ARHGAP15: variants seen among roughly 807,000 people sequenced by gnomAD.
The protein encoded by ARHGAP15 is rho GTPase-activating protein 15.
Under a neutral mutation model 63.7 loss-of-function variants are expected in ARHGAP15, and 51 were observed. The ratio of observed to expected loss-of-function variants is 0.80; its 90% CI spans 0.64 to 1.01. ARHGAP15 has a LOEUF of 1.01. ARHGAP15 is among the 50% of genes least tolerant of loss of function. The probability of loss-of-function intolerance (pLI) is 0.00; values close to 1 mark genes in which losing one functional copy is unlikely to be tolerated. For missense variants in ARHGAP15, 560 were observed against 564.6 expected (o/e 0.99, Z 0.08); for synonymous variants, 191 against 193.8 (o/e 0.99, Z 0.12).
intron 8 of ARHGAP15, among the ~76,000 whole-genome samples, chr2:143,458,890 A>G (rs1057117296): frequency 6.6e-6 from 1 of 152,194 alleles, no homozygotes; most frequent in Non-Finnish European, 1.5e-5. Context: ...ACTTGTCATA[A>G]TGCTTAGGGT....
chr2:143,234,865 A>C (rs1010287060), intron 5 of ARHGAP15, among the ~76,000 whole-genome samples: 1 of 151,968 alleles, frequency 6.6e-6, no homozygotes, highest in African/African-American at 2.4e-5. Flanking sequence ...TCATATTCCC[A>C]CCCCTAAAAA....
At chr2:143,682,175 T>C (rs1011741781) in intron 12 of ARHGAP15, among the ~76,000 whole-genome samples, 1 of 152,058 alleles carries the variant, frequency 6.6e-6, no homozygotes, top group African/African-American at 2.4e-5. Flanking sequence ...TAATTGATAA[T>C]TTTTTTTCTT....
intron 6 of ARHGAP15, among the ~76,000 whole-genome samples, chr2:143,341,058 C>T (rs551091806): frequency 8.4e-4 from 128 of 151,996 alleles, no homozygotes; most frequent in African/African-American, 2.9e-3. Flanking sequence ...ATGATTTGTT[C>T]TCTAAAAACA....
intron 8 of ARHGAP15, among the ~76,000 whole-genome samples, chr2:143,444,089 G>C (rs530062748): frequency 1.3e-5 from 2 of 152,204 alleles, no homozygotes; most frequent in East Asian, 3.9e-4. Context: ...CAGTGCTCAA[G>C]CACTAGATCA....
intron 8 of ARHGAP15, among the ~76,000 whole-genome samples, chr2:143,444,784 C>T (rs1690056821): frequency 6.6e-6 from 1 of 152,058 alleles, no homozygotes; most frequent in Non-Finnish European, 1.5e-5. Context: ...TCAGATATTG[C>T]TTTCACCCAA....
intron 10 of ARHGAP15, among the ~76,000 whole-genome samples, chr2:143,531,116 A>ATGTGTGTACGCGTGCG (rs1553497418): frequency 3.6e-5 from 1 of 27,442 alleles, no homozygotes; most frequent in Non-Finnish European, 7.9e-5. Context: ...CTGTGTGTGT[A>ATGTGTGTACGCGTGCG]TGTGTGTGCG....
chr2:143,201,085 G>A (rs945719386), intron 2 of ARHGAP15, among the ~76,000 whole-genome samples: 11 of 151,910 alleles, frequency 7.2e-5, no homozygotes, highest in African/African-American at 2.7e-4. Context: ...TGGCCAAAAG[G>A]CAATCATCGG....
chr2:143,148,289 C>A (rs1689673167), intron 1 of ARHGAP15, among the ~76,000 whole-genome samples: 1 of 152,066 alleles, frequency 6.6e-6, no homozygotes, highest in South Asian at 2.1e-4. Context: ...AATCAGACTT[C>A]ATGGTAGGCA....
chr2:143,666,358 C>T (rs1574805984), intron 12 of ARHGAP15, among the ~76,000 whole-genome samples: 14 of 152,264 alleles, frequency 9.2e-5, no homozygotes, highest in Middle Eastern at 3.4e-3. Context: ...GGATAACTGG[C>T]TAGCCATATG....
chr2:143,422,208 C>T (rs1467841839), intron 6 of ARHGAP15, among the ~76,000 whole-genome samples: 3 of 152,036 alleles, frequency 2.0e-5, no homozygotes, highest in Admixed American at 6.6e-5. Context: ...TACTGGTTCT[C>T]ATGATAGAAA....
intron 13 of ARHGAP15, among the ~76,000 whole-genome samples, chr2:143,718,284 A>G (rs1302609000): frequency 4.6e-5 from 7 of 152,296 alleles, no homozygotes; most frequent in Middle Eastern, 6.8e-3. Flanking sequence ...GCAGTACATA[A>G]CTAGAACCCT....
chr2:143,592,920 C>T (rs976957994), intron 11 of ARHGAP15, among the ~76,000 whole-genome samples: 2 of 152,164 alleles, frequency 1.3e-5, no homozygotes, highest in Non-Finnish European at 2.9e-5. Context: ...TGACTTTTCT[C>T]TCTATTTATA....
At chr2:143,179,717 G>C (rs1691153048) in intron 2 of ARHGAP15, among the ~76,000 whole-genome samples, 2 of 152,078 alleles carry the variant, frequency 1.3e-5, no homozygotes, top group Admixed American at 1.3e-4. Context: ...GTGAGACCCT[G>C]TCTCTACAAA....
chr2:143,723,969 G>A (rs1207990568), intron 13 of ARHGAP15, among the ~76,000 whole-genome samples: 1 of 152,124 alleles, frequency 6.6e-6, no homozygotes, highest in African/African-American at 2.4e-5. Flanking sequence ...AGGTTCCACA[G>A]TGACTTCAGG....
chr2:143,550,820 A>G (rs2105072833), intron 10 of ARHGAP15, among the ~76,000 whole-genome samples: 1 of 152,316 alleles, frequency 6.6e-6, no homozygotes, highest in Non-Finnish European at 1.5e-5. Flanking sequence ...TAACCCATAG[A>G]TAAGTCTCAA....
At chr2:143,279,817 G>A (rs1474018285) in intron 6 of ARHGAP15, among the ~76,000 whole-genome samples, 1 of 152,170 alleles carries the variant, frequency 6.6e-6, no homozygotes, top group Non-Finnish European at 1.5e-5. Flanking sequence ...ATCCCTGTGT[G>A]TTTTGGTAAC....
intron 12 of ARHGAP15, among the ~76,000 whole-genome samples, chr2:143,690,506 G>A (rs975168883): frequency 3.3e-5 from 5 of 152,078 alleles, no homozygotes; most frequent in African/African-American, 1.2e-4. Flanking sequence ...GGGCCCCAGA[G>A]GGGAATGTTT....
intron 11 of ARHGAP15, among the ~76,000 whole-genome samples, chr2:143,557,422 G>A (rs1241929876): frequency 6.6e-6 from 1 of 152,052 alleles, no homozygotes; most frequent in East Asian, 1.9e-4. Context: ...ACTGGGAAAA[G>A]GAAAACTAGA....
At chr2:143,631,118 A>G (rs1699050765) in intron 12 of ARHGAP15, among the ~76,000 whole-genome samples, 1 of 152,022 alleles carries the variant, frequency 6.6e-6, no homozygotes, top group Admixed American at 6.6e-5. Flanking sequence ...GCTTTTTTTC[A>G]TTCAACATAA....
Sources: gnomAD v4.1 joint callset for allele counts (sites outside exome capture counted in the v4.1 genomes callset) on GRCh38, gnomAD v4.1.1 for gene constraint, MANE v1.5 for transcripts, NCBI Gene and HGNC (gene_info 2026-07-23, HGNC 2026-07-21) for gene names.